The following PDCD11 variants were observed in gnomAD, a reference collection of about 807,000 sequenced individuals.
The protein encoded by PDCD11 is protein RRP5 homolog.
A neutral mutation model predicts 198.9 loss-of-function variants in PDCD11; 97 were observed. That is an observed-to-expected ratio of 0.49 (90% CI 0.41 to 0.58). The LOEUF (loss-of-function observed/expected upper bound fraction) is 0.58, where lower values mean the gene tolerates loss of function less well. Ranked by LOEUF, PDCD11 falls within the 20% of genes least tolerant of loss-of-function variation. The pLI is 0.00. For missense variants in PDCD11, 2,102 were observed against 2,312.7 expected (o/e 0.91, Z 1.87); for synonymous variants, 893 against 918.0 (o/e 0.97, Z 0.49).
intron 31 of PDCD11, 50 bp from the exon 32 acceptor site, chr10:103,442,163 C>T (rs745604805): frequency 1.2e-6 from 2 of 1,605,388 alleles, no homozygotes; most frequent in Admixed American, 1.7e-5. Flanking sequence ...CAGACCTCCC[C>T]TAGGCCTTGA....
intron 7 of PDCD11, 103 bp from the exon 8 acceptor site, chr10:103,409,596 C>A: frequency 1.3e-6 from 1 of 747,748 alleles, no homozygotes; most frequent in South Asian, 1.5e-5. Flanking sequence ...GAGAGATACA[C>A]AGTTAGGGAT....
rs1361626347 is a variant in PDCD11, at chr10:103,397,948, ATCT to A, written c.-11-463_-11-461del. On this transcript the variant is annotated intron_variant, in intron 1 of 35. Coordinates refer to ENST00000369797, the MANE Select transcript of PDCD11 (RefSeq NM_014976.2). ...ATCTTTTACCCTTAAGCTAAAAAAG[ATCT>A]TCTTTATGAAGCTTGCCTCCTTTAC... Among the ~76,000 whole-genome samples, 10 of 152,228 alleles carry A rather than the reference ATCT, an allele frequency of 6.6e-5. No individual in the cohort carries two copies. In the East Asian group the frequency reaches 7.7e-4, roughly 12 times the overall value.
Position 103,413,098 on chromosome 10 carries a change from G to C in PDCD11, c.979-18G>C, listed in dbSNP as rs754310372. ...CTGTGTGCCTCCTCCTGCTCACCCT[G>C]CCCTTCCTTTTGTCTAGGTGAGGGC... On this transcript the variant is annotated intron_variant, in intron 8 of 35. Coordinates refer to ENST00000369797, the MANE Select transcript of PDCD11 (RefSeq NM_014976.2). 2.5e-6 allele frequency: 4 copies of C among 1,609,980 alleles called. No individual in the cohort carries two copies. The highest frequency in any genetic ancestry group is 2.2e-5 in the East Asian group (1 of 44,846).
chr10:103,405,473 C>T (rs185024368), intron 5 of PDCD11: 12 of 264,454 alleles, frequency 4.5e-5, no homozygotes, highest in Middle Eastern at 1.3e-3. Context: ...GGCATGATCT[C>T]GGCTCACCAC....
Position 103,443,220 on chromosome 10 carries a change from T to A in PDCD11, c.5011T>A (p.Tyr1671Asn). Residue 1671 changes from tyrosine to asparagine, a missense_variant, in exon 33 of 36, where the codon TAC becomes AAC. Transcript: ENST00000369797. ...WVALLNLENMYGSQESLTKVF... is the reference protein window; with the variant it reads ...WVALLNLENMNGSQESLTKVF... The stretch of plus-strand genomic sequence containing the variant: ...GGCTCTGCTGAACCTGGAGAACATG[T>A]ACGGCTCTCAGGAGTCCCTGACCAA... 5 of 1,610,794 alleles carry A rather than the reference T, an allele frequency of 3.1e-6. No individual in the cohort carries two copies. Among genetic ancestry groups the A allele is most frequent in the Non-Finnish European group, 4.2e-6 (5 of 1,177,464 alleles).
intron 20 of PDCD11, 149 bp from the exon 21 acceptor site, chr10:103,427,180 C>A: frequency 1.4e-6 from 1 of 708,968 alleles, no homozygotes; most frequent in East Asian, 2.6e-5. Context: ...AAACCTTCAG[C>A]CTGACACATC....
In PDCD11 at chr10:103,398,507, T is replaced by G. The variant is rs1373988421; in HGVS notation, c.81T>G (p.Val27=). The stretch of plus-strand genomic sequence containing the variant: ...CAGAGAAAGCTTTCCAGCAGTCAGT[T>G]GAACAAGACAACTTATTTGATGTAA... The part of the protein sequence containing the change: ...HKPEKAFQQS[V]EQDNLFDIST... Residue 27 remains valine, a synonymous_variant, in exon 2 of 36, where the codon GTT becomes GTG. Coordinates refer to ENST00000369797, the MANE Select transcript of PDCD11 (RefSeq NM_014976.2). 2 of 1,612,004 alleles carry G rather than the reference T, an allele frequency of 1.2e-6. No individual in the cohort carries two copies. The highest frequency in any genetic ancestry group is 1.7e-6 in the Non-Finnish European group (2 of 1,178,096).
Position 103,438,674 on chromosome 10 carries a change from T to C in PDCD11, c.3903-12T>C. The C allele has an allele frequency of 1.2e-5, 20 of 1,614,156 alleles. No individual in the cohort carries two copies. Among genetic ancestry groups the C allele is most frequent in the Non-Finnish European group, 1.7e-5 (20 of 1,180,004 alleles). ...GGTTAAAGGTGTGCATGTAAGCCTTTTATTCCTTTAGAACAAACCCGGAGA... is the reference window on the plus strand; with the variant it reads ...GGTTAAAGGTGTGCATGTAAGCCTTCTATTCCTTTAGAACAAACCCGGAGA... On this transcript the variant is annotated splice_polypyrimidine_tract_variant and intron_variant, in intron 26 of 35. Transcript: ENST00000369797.
chr10:103,438,069 C>G lies in PDCD11; in HGVS notation c.3900C>G (p.Ser1300=), dbSNP rs2032226891. 1 of 1,613,000 alleles carries G rather than the reference C, an allele frequency of 6.2e-7. No individual in the cohort carries two copies. Among genetic ancestry groups the G allele is most frequent in the Non-Finnish European group, 8.5e-7 (1 of 1,179,150 alleles). ...TATTGACTTTGTCGCTGCGATCATC[C>G]AGGTGGGTTTCTGTGTTGTTGGAAA... ...DNVLTLSLRS[S]RTNPETKSKV... is the part of the protein sequence containing the mutation. The change falls in exon 26 of 36, where the codon TCC becomes TCG. Residue 1300 remains serine (S), a splice_region_variant and synonymous_variant. Coordinates refer to ENST00000369797, the MANE Select transcript of PDCD11 (RefSeq NM_014976.2).
At chr10:103,413,015 C>T (rs1398499572) in intron 8 of PDCD11, 101 bp from the exon 9 acceptor site, 2 of 851,040 alleles carry the variant, frequency 2.4e-6, no homozygotes, top group African/African-American at 3.3e-5. Context: ...TGAGTACTCA[C>T]ATACCTGGTT....
At position 103,445,776 on chromosome 10, in the gene PDCD11, G is replaced by A; in HGVS notation, c.*227G>A. The A allele has an allele frequency of 2.1e-6, 1 of 480,792 alleles. No homozygotes were observed. Among genetic ancestry groups the A allele is most frequent in the South Asian group, 2.7e-5 (1 of 37,498 alleles). 29.8% of individuals were successfully genotyped at this position (480,792 alleles called of 1,614,324 possible). A position where few individuals can be genotyped will look rare whatever the true frequency, so the allele number is the denominator to read the frequency against. On this transcript the variant is annotated 3_prime_UTR_variant, in exon 36 of 36. Transcript: ENST00000369797. ...ACTTGTTATCTTTTTCCTTATCTGA[G>A]GCTACCTGGGGATTGTGGGCAGCAG...
chr10:103,420,967 C>T (rs1202129275), intron 16 of PDCD11, among the ~76,000 whole-genome samples: 1 of 152,000 alleles, frequency 6.6e-6, no homozygotes, highest in Non-Finnish European at 1.5e-5. Context: ...CCTCTGCCTC[C>T]CGGATTCAAG....
chr10:103,439,814 C>T lies in PDCD11; in HGVS notation c.4094C>T (p.Ala1365Val). 1.9e-6 allele frequency: 3 copies of T among 1,614,118 alleles called. No homozygotes were observed. Among genetic ancestry groups the T allele is most frequent in the Non-Finnish European group, 2.5e-6 (3 of 1,179,978 alleles). The stretch of plus-strand genomic sequence containing the variant: ...TCCCAGCACAGCCCGTCCAAGAAAG[C>T]CCTTTATAACAAACACCTCCCTGAA... ...HVSQHSPSKK[A>V]LYNKHLPEGK... is the part of the protein sequence containing the mutation. The change falls in exon 28 of 36, where the codon GCC becomes GTC. Residue 1365 changes from alanine (A) to valine (V), a missense_variant. By Grantham distance (64) the Ala-to-Val change is moderately conservative (BLOSUM62 0). Transcript: ENST00000369797.
chr10:103,439,924 A>T, intron 28 of PDCD11, 56 bp downstream of exon 28: 4 of 1,606,282 alleles, frequency 2.5e-6, no homozygotes, highest in Non-Finnish European at 3.4e-6. Context: ...CCCTTTCTCC[A>T]GGAGCCCTGG....
rs770424609 is a variant in PDCD11 at position 103,440,807 on chromosome 10, G to A, written c.4514G>A (p.Arg1505Gln). The A allele has an allele frequency of 1.6e-5, 26 of 1,613,864 alleles. No individual in the cohort carries two copies. Among genetic ancestry groups the A allele is most frequent in the East Asian group, 2.2e-5 (1 of 44,900 alleles). The change falls in exon 30 of 36, where the codon CGG (arginine) becomes CAG (glutamine). Residue 1505 changes from arginine (R) to glutamine (Q), a missense_variant. By Grantham distance (43) the Arg-to-Gln change is conservative. Transcript: ENST00000369797. Reference sequence around the variant, plus strand: ...GACAGCCTTGTGGACGTGTACTATCGGGAGGGAAAAGAGGAGGCAGAAGAG... The same window carrying A: ...GACAGCCTTGTGGACGTGTACTATCAGGAGGGAAAAGAGGAGGCAGAAGAG... ...EDDSLVDVYYREGKEEAEETN... is the reference protein window; with the variant it reads ...EDDSLVDVYYQEGKEEAEETN...
intron 16 of PDCD11, among the ~76,000 whole-genome samples, chr10:103,420,302 C>T (rs1257464645): frequency 6.6e-6 from 1 of 152,136 alleles, no homozygotes; most frequent in African/African-American, 2.4e-5. Context: ...GATGACTGCA[C>T]TTGTTTTTAT....
chr10:103,443,838 G>C, intron 33 of PDCD11, 77 bp from the exon 34 acceptor site: 1 of 1,449,606 alleles, frequency 6.9e-7, no homozygotes, highest in African/African-American at 1.4e-5. Flanking sequence ...CTAGCTTCTT[G>C]TGAGTGTTGC....
At chr10:103,426,691 C>T (rs1205492237) in intron 20 of PDCD11, among the ~76,000 whole-genome samples, 1 of 151,274 alleles carries the variant, frequency 6.6e-6, no homozygotes, top group Non-Finnish European at 1.5e-5. Context: ...GAAGCTGAGG[C>T]AGGAGAATCA....
At position 103,425,142 on chromosome 10, in the gene PDCD11, G is replaced by A. The variant is rs776368176; in HGVS notation, c.2922G>A (p.Gln974=). 9 of 1,614,098 alleles carry A rather than the reference G, an allele frequency of 5.6e-6. No homozygotes were observed. In the Admixed American group the frequency reaches 1.0e-4, roughly 18 times the overall value. Residue 974 remains glutamine, a synonymous_variant, in exon 20 of 36, where the codon CAG becomes CAA. Transcript: ENST00000369797. ...RFDSEKLQVG[Q]GVSLTLKTTE... ...ACTCAGAGAAATTGCAGGTGGGACA[G>A]GGTGTCTCCCTAACCCTCAAGACCA...
Sources: allele counts gnomAD v4.1 joint callset (sites outside exome capture counted in the v4.1 genomes callset), GRCh38; gene constraint gnomAD v4.1.1; transcripts MANE v1.5; gene names NCBI Gene and HGNC (gene_info 2026-07-23, HGNC 2026-07-21).